The following PLA2G5 variants were observed in gnomAD, a reference collection of about 807,000 sequenced individuals.
PLA2G5 encodes phospholipase A2 group V.
PLA2G5 carries 12 observed loss-of-function variants against 15.9 expected under a neutral mutation model. That is an observed-to-expected ratio of 0.76 (90% CI 0.48 to 1.23). The LOEUF is 1.23. Ranked by LOEUF, PLA2G5 falls within the 50% of genes most tolerant of loss-of-function variation. The pLI is 0.00. For missense variants in PLA2G5, 169 were observed against 177.1 expected (o/e 0.95, Z 0.26); for synonymous variants, 71 against 71.4 (o/e 0.99, Z 0.03).
Position 20,070,281 on chromosome 1 carries a change from C to A in PLA2G5, c.-195C>A. On this transcript the variant is annotated 5_prime_UTR_variant, in exon 1 of 5. Coordinates refer to ENST00000375108, the MANE Select transcript of PLA2G5 (RefSeq NM_000929.3). ...CCGGGTTTGTCCTCATCATCGGTCACTCCCATTCACAGCTTTAAGATTCTG... is the reference window on the plus strand; with the variant it reads ...CCGGGTTTGTCCTCATCATCGGTCAATCCCATTCACAGCTTTAAGATTCTG... 3 of 985,472 alleles carry A rather than the reference C, an allele frequency of 3.0e-6. No homozygotes were observed. The highest frequency in any genetic ancestry group is 3.6e-6 in the Non-Finnish European group (3 of 829,942). The allele number at this position is 985,472 out of a possible 1,614,324, so 61.0% of individuals were successfully genotyped here. A position where few individuals can be genotyped will look rare whatever the true frequency, so the allele number is the denominator to read the frequency against.
intron 1 of PLA2G5, among the ~76,000 whole-genome samples, chr1:20,030,042 C>T (rs1408919873): frequency 1.6e-4 from 24 of 152,140 alleles, no homozygotes; most frequent in Non-Finnish European, 2.9e-5. Flanking sequence ...GGGGGCCAGC[C>T]CCTCCACACT....
chr1:20,070,554 G>A (rs574071476), intron 1 of PLA2G5, 89 bp downstream of exon 1: 67 of 834,042 alleles, frequency 8.0e-5, no homozygotes, highest in Admixed American at 1.2e-4. Context: ...TGTGTGGAGA[G>A]CCCAAGAGGA....
At chr1:20,048,394 G>A (rs769136971) in intron 1 of PLA2G5, among the ~76,000 whole-genome samples, 3 of 152,120 alleles carry the variant, frequency 2.0e-5, no homozygotes, top group Non-Finnish European at 4.4e-5. Context: ...ATTTGGAATA[G>A]GGGTTACAAA....
chr1:20,078,389 T>C (rs2015814139), intron 1 of PLA2G5, among the ~76,000 whole-genome samples: 1 of 152,218 alleles, frequency 6.6e-6, no homozygotes, highest in Non-Finnish European at 1.5e-5. Context: ...GGCTTGGTTT[T>C]GTTTGGTTGA....
At chr1:20,084,208 C>A (rs1184822842) in intron 1 of PLA2G5, among the ~76,000 whole-genome samples, 1 of 152,166 alleles carries the variant, frequency 6.6e-6, no homozygotes, top group East Asian at 1.9e-4. Context: ...CTGCTGAGCA[C>A]CTCCTCTGGG....
In PLA2G5 at chr1:20,084,841, T is replaced by A; in HGVS notation, c.11T>A (p.Leu4His). 1.2e-6 allele frequency: 2 copies of A among 1,610,028 alleles called. No individual in the cohort carries two copies. Among genetic ancestry groups the A allele is most frequent in the Non-Finnish European group, 1.7e-6 (2 of 1,176,234 alleles). The stretch of plus-strand genomic sequence containing the variant: ...TCCAGAACCCCAGAGATGAAAGGCC[T>A]CCTCCCACTGGCTTGGTTCCTGGCT... MKG[L>H]LPLAWFLACS... Residue 4 changes from leucine to histidine, a missense_variant, in exon 2 of 5, where the codon CTC becomes CAC. Leu to His is a moderately conservative substitution (Grantham distance 99). Coordinates refer to ENST00000375108, the MANE Select transcript of PLA2G5 (RefSeq NM_000929.3).
upstream of PLA2G5, chr1:20,068,977 A>G (rs985316872): frequency 4.7e-6 from 6 of 1,273,594 alleles, no homozygotes. Flanking sequence ...GAGGCCCAGA[A>G]TTGGCACAGA....
chr1:20,062,641 C>A (rs1361606312), intron 2 of PLA2G5, among the ~76,000 whole-genome samples: 1 of 152,150 alleles, frequency 6.6e-6, no homozygotes, highest in East Asian at 1.9e-4. Context: ...TTAAAACAAA[C>A]AAACAAACAA....
chr1:20,055,205 C>T (rs995006366), intron 1 of PLA2G5, among the ~76,000 whole-genome samples: 2 of 152,152 alleles, frequency 1.3e-5, no homozygotes, highest in Admixed American at 6.6e-5. Flanking sequence ...GAAACCCCCA[C>T]ACAGTCACAG....
chr1:20,077,893 A>C (rs535258989), intron 1 of PLA2G5, among the ~76,000 whole-genome samples: 4 of 152,324 alleles, frequency 2.6e-5, no homozygotes, highest in African/African-American at 9.6e-5. Flanking sequence ...AGTCAAAGCT[A>C]GGGCCAAACT....
At chr1:20,052,337 C>G (rs1186712706) in intron 1 of PLA2G5, among the ~76,000 whole-genome samples, 1 of 151,978 alleles carries the variant, frequency 6.6e-6, no homozygotes, top group Non-Finnish European at 1.5e-5. Flanking sequence ...CTCCATTTTT[C>G]CTAATTTGGA....
chr1:20,033,792 A>G (rs1394940774), intron 1 of PLA2G5, among the ~76,000 whole-genome samples: 1 of 151,868 alleles, frequency 6.6e-6, no homozygotes, highest in Non-Finnish European at 1.5e-5. Flanking sequence ...TAAAGTTTTT[A>G]AAGTGGTAGT....
chr1:20,050,727 A>G (rs1043702933), intron 1 of PLA2G5, among the ~76,000 whole-genome samples: 5 of 152,230 alleles, frequency 3.3e-5, no homozygotes, highest in African/African-American at 1.2e-4. Context: ...TTTGGGAAAT[A>G]CTTGAGTTAT....
At chr1:20,085,640 C>T (rs2016248537) in intron 2 of PLA2G5, among the ~76,000 whole-genome samples, 1 of 152,170 alleles carries the variant, frequency 6.6e-6, no homozygotes, top group African/African-American at 2.4e-5. Flanking sequence ...AGACAGGAAG[C>T]TCCTATCTGC....
chr1:20,031,675 G>A (rs1437247490), intron 1 of PLA2G5, among the ~76,000 whole-genome samples: 3 of 149,984 alleles, frequency 2.0e-5, no homozygotes, highest in Non-Finnish European at 4.5e-5. Context: ...GGGGGGTGTG[G>A]GGAGGGAATT....
At chr1:20,037,270 C>T (rs368983725) in intron 1 of PLA2G5, among the ~76,000 whole-genome samples, 4 of 152,144 alleles carry the variant, frequency 2.6e-5, no homozygotes, top group Non-Finnish European at 5.9e-5. Context: ...GTGCTCTCCC[C>T]CTTCCTTTAG....
At chr1:20,081,342 T>C (rs747483315) in intron 1 of PLA2G5, among the ~76,000 whole-genome samples, 7 of 151,996 alleles carry the variant, frequency 4.6e-5, no homozygotes, top group Non-Finnish European at 5.9e-5. Flanking sequence ...TTTTTTACTC[T>C]TTCCAGGGTG....
intron 1 of PLA2G5, among the ~76,000 whole-genome samples, chr1:20,050,084 C>G (rs1375172441): frequency 6.6e-6 from 1 of 152,046 alleles, no homozygotes; most frequent in Non-Finnish European, 1.5e-5. Flanking sequence ...GAAACAATTC[C>G]TATGTATTAT....
chr1:20,054,447 T>G (rs1173514106), intron 1 of PLA2G5, among the ~76,000 whole-genome samples: 2 of 152,224 alleles, frequency 1.3e-5, no homozygotes, highest in Admixed American at 1.3e-4. Context: ...AGCCTCTTCT[T>G]TCTTATATGA....
Sources: gnomAD v4.1 joint callset for allele counts (sites outside exome capture counted in the v4.1 genomes callset) on GRCh38, gnomAD v4.1.1 for gene constraint, MANE v1.5 for transcripts, NCBI Gene and HGNC (gene_info 2026-07-23, HGNC 2026-07-21) for gene names.